The following FER1L5 variants were observed in gnomAD, a reference collection of about 807,000 sequenced individuals.
FER1L5 encodes the protein fer-1 like family member 5, also known as fer-1-like protein 5.
FER1L5 carries 187 observed loss-of-function variants against 279.9 expected under a neutral mutation model. That is an observed-to-expected ratio of 0.67 (90% CI 0.59 to 0.75). The LOEUF is 0.75. FER1L5 is among the 30% of genes least tolerant of loss of function. The pLI is 0.00. For synonymous variants in FER1L5, 921 were observed against 989.7 expected, an observed-to-expected ratio of 0.93 and a Z score of 1.30; for missense variants, 2,091 against 2,594.4, an observed-to-expected ratio of 0.81 and a Z score of 4.21.
intron 1 of FER1L5, 60 bp downstream of exon 1, chr2:96,642,981 G>C (rs2074949738): frequency 2.8e-6 from 4 of 1,449,880 alleles, no homozygotes; most frequent in Admixed American, 4.8e-5. Context: ...CATGGATTCA[G>C]TGAAAAAAGA....
intron 18 of FER1L5, among the ~76,000 whole-genome samples, chr2:96,671,776 C>T (rs1051701700): frequency 2.3e-4 from 35 of 152,262 alleles, no homozygotes; most frequent in African/African-American, 7.9e-4. Context: ...CCTGCAGAGG[C>T]GGACTCAGGA....
At chr2:96,681,235 T>C (rs2076712944) in intron 19 of FER1L5, among the ~76,000 whole-genome samples, 1 of 152,212 alleles carries the variant, frequency 6.6e-6, no homozygotes, top group Non-Finnish European at 1.5e-5. Context: ...ATACCTGTAG[T>C]CCTAGCTACT....
intron 14 of FER1L5, among the ~76,000 whole-genome samples, chr2:96,667,483 G>A (rs1275762247): frequency 6.6e-6 from 1 of 152,044 alleles, no homozygotes; most frequent in African/African-American, 2.4e-5. Flanking sequence ...GAGTAGCTGG[G>A]ATTACAGGCA....
In FER1L5 at chr2:96,702,442, C is replaced by T. The variant is rs764303789; in HGVS notation, c.5255+41C>T. On this transcript the variant is annotated intron_variant, in intron 47 of 52. Transcript: ENST00000624922. This position sits in a 1 kb window ranked among gnomAD's most constrained non-coding sequence, Gnocchi z 4.0. ...CAGGCTCCGGCAGAGCCCCTCAGTT[C>T]CCCAGTTCTGTCATCCTGCTGGCAC... is the stretch of plus-strand genomic sequence containing the variant. 13 of 1,580,832 alleles carry T rather than the reference C, an allele frequency of 8.2e-6. No individual in the cohort carries two copies. The Admixed American group carries it at 2.4e-4, about 29-fold the overall frequency.
At chr2:96,671,837 A>G (rs143615987) in intron 18 of FER1L5, among the ~76,000 whole-genome samples, 1 of 152,174 alleles carries the variant, frequency 6.6e-6, no homozygotes, top group Non-Finnish European at 1.5e-5. Flanking sequence ...TGGCAGAGAG[A>G]AAGGGCGAGG....
In FER1L5 at chr2:96,684,367, T is replaced by G. The variant is rs2076842433; in HGVS notation, c.1710T>G (p.Pro570=). ...ATGTGCCCTGGTACAACACCAAGCCTGTCGTGGCCGTGACCTCCAACTGGG... is the reference window on the plus strand; with the variant it reads ...ATGTGCCCTGGTACAACACCAAGCCGGTCGTGGCCGTGACCTCCAACTGGG... ...YHYVPWYNTK[P]VVAVTSNWED... The change falls in exon 20 of 53, where the codon CCT becomes CCG. Residue 570 remains proline, a synonymous_variant. Coordinates refer to ENST00000624922, the MANE Select transcript of FER1L5 (RefSeq NM_001293083.2). The G allele has an allele frequency of 1.3e-6, 2 of 1,551,692 alleles. 1 individual carries two copies. Among genetic ancestry groups the G allele is most frequent in the East Asian group, 4.9e-5 (2 of 40,912 alleles).
Position 96,704,621 on chromosome 2 carries a change from T to G in FER1L5, c.6103T>G (p.Trp2035Gly). The stretch of plus-strand genomic sequence containing the variant: ...CCTAAAGCCTACAATAGACCATGAG[T>G]GGAAACTCCACCCAGGACCCACAAA... ...PNLKPTIDHE[W>G]KLHPGPTNHL... Residue 2035 changes from tryptophan to glycine, a missense_variant, in exon 53 of 53, where the codon TGG becomes GGG. Coordinates refer to ENST00000624922, the MANE Select transcript of FER1L5 (RefSeq NM_001293083.2). 6.2e-7 allele frequency: 1 copy of G among 1,613,968 alleles called. No homozygotes were observed. The highest frequency in any genetic ancestry group is 8.5e-7 in the Non-Finnish European group (1 of 1,179,884).
intron 9 of FER1L5, among the ~76,000 whole-genome samples, chr2:96,658,489 G>A (rs182295307): frequency 4.7e-5 from 7 of 149,254 alleles, no homozygotes; most frequent in Non-Finnish European, 1.0e-4. Flanking sequence ...GCTAATTTTT[G>A]TATTAGCCCG....
rs1553449027 is a variant in FER1L5, at chr2:96,659,290, T to TTCCTTCC, written c.748-1050_748-1049insCCTTCCT. 8.6e-3 allele frequency among the ~76,000 whole-genome samples: 700 copies of TTCCTTCC among 81,036 alleles called. 60 individuals carry two copies. Among genetic ancestry groups the TTCCTTCC allele is most frequent in the African/African-American group, 0.023 (469 of 20,374 alleles). 53.2% of individuals were successfully genotyped at this position (81,036 alleles called of 152,430 possible). A position where few individuals can be genotyped will look rare whatever the true frequency, so the allele number is the denominator to read the frequency against. ...TTTGATGAAGTCCAATTTATCAAGCTTTCCTTCCTTCCTTCCTTCCTTCCT... is the reference window on the plus strand; with the variant it reads ...TTTGATGAAGTCCAATTTATCAAGCTTCCTTCCTTCCTTCCTTCCTTCCTTCCTTCCT... On this transcript the variant is annotated intron_variant, in intron 9 of 52. Coordinates refer to ENST00000624922, the MANE Select transcript of FER1L5 (RefSeq NM_001293083.2).
chr2:96,680,822 A>G (rs1220099029), intron 19 of FER1L5, among the ~76,000 whole-genome samples: 1 of 151,988 alleles, frequency 6.6e-6, no homozygotes, highest in Non-Finnish European at 1.5e-5. Flanking sequence ...CCCTGTGCCC[A>G]CCCCACCCCA....
At chr2:96,685,565 G>A in intron 21 of FER1L5, 136 bp downstream of exon 21, 1 of 763,056 alleles carries the variant, frequency 1.3e-6, no homozygotes, top group Non-Finnish European at 2.0e-6. Flanking sequence ...CTCCCCAGCG[G>A]GAAACCCCAA....
chr2:96,644,322 C>CAA (rs34746480), intron 1 of FER1L5, among the ~76,000 whole-genome samples: 1 of 136,352 alleles, frequency 7.3e-6, no homozygotes, highest in African/African-American at 2.7e-5. Flanking sequence ...ACTAAAAATA[C>CAA]AAAAAAAAAA....
intron 19 of FER1L5, among the ~76,000 whole-genome samples, chr2:96,678,055 A>G (rs1469624572): frequency 1.3e-5 from 2 of 151,854 alleles, no homozygotes; most frequent in Non-Finnish European, 2.9e-5. Flanking sequence ...ACACAGTGGC[A>G]GCTCATCGTT....
chr2:96,653,507 T>G (rs115401742), intron 7 of FER1L5, 133 bp from the exon 8 acceptor site: 16 of 712,712 alleles, frequency 2.2e-5, no homozygotes, highest in Non-Finnish European at 3.7e-5. Context: ...ATACTCAGCC[T>G]GTACTTGTAA....
rs1023896819 is a variant in FER1L5 at position 96,698,644 on chromosome 2, G to A, written c.4357-27G>A. On this transcript the variant is annotated intron_variant, in intron 40 of 52. Coordinates refer to ENST00000624922, the MANE Select transcript of FER1L5 (RefSeq NM_001293083.2). This position sits in a 1 kb window ranked among gnomAD's most constrained non-coding sequence, Gnocchi z 5.5. ...CAGAGCTGGCCAGCACTGCCAGGCT[G>A]GGCCCCCAACACCCTCCCCCCGCCA... 4 of 1,561,892 alleles carry A rather than the reference G, an allele frequency of 2.6e-6. No homozygotes were observed. The highest frequency in any genetic ancestry group is 3.5e-6 in the Non-Finnish European group (4 of 1,150,644).
In FER1L5 at chr2:96,691,152, C is replaced by A; in HGVS notation, c.2744-38C>A. On this transcript the variant is annotated intron_variant, in intron 27 of 52. Coordinates refer to ENST00000624922, the MANE Select transcript of FER1L5 (RefSeq NM_001293083.2). The surrounding 1 kb of genome is among the most constrained non-coding windows in gnomAD (Gnocchi z 6.0). ...TTGTCCAGGCCTCCCAACCTGCGGG[C>A]ACCTGAGGACTCAGAGGCCATGGTC... The A allele has an allele frequency of 6.6e-7, 1 of 1,517,100 alleles. No homozygotes were observed. Among genetic ancestry groups the A allele is most frequent in the South Asian group, 1.2e-5 (1 of 80,132 alleles). The allele number at this position is 1,517,100 out of a possible 1,614,324, so 94.0% of individuals were successfully genotyped here. A position where few individuals can be genotyped will look rare whatever the true frequency, so the allele number is the denominator to read the frequency against.
In FER1L5 at chr2:96,702,558, GC is replaced by G; in HGVS notation, c.5256-40del. 6.4e-7 allele frequency: 1 copy of G among 1,554,038 alleles called. No individual in the cohort carries two copies. Among genetic ancestry groups the G allele is most frequent in the Non-Finnish European group, 8.7e-7 (1 of 1,148,778 alleles). On this transcript the variant is annotated intron_variant, in intron 47 of 52. Transcript: ENST00000624922. This position sits in a 1 kb window ranked among gnomAD's most constrained non-coding sequence, Gnocchi z 4.0. ...CATGGGGCTCCAGCTGGGGGATGGG[GC>G]CAATGCACATGAGCCACAGGTGATA...
chr2:96,651,237 C>CTCTTTCTTTCTTTCTT lies in FER1L5; in HGVS notation c.505-606_505-591dup, dbSNP rs70964882. On this transcript the variant is annotated intron_variant, in intron 6 of 52. Transcript: ENST00000624922. ...GGGCTACAACTTTCTTTCTTTCTTT[C>CTCTTTCTTTCTTTCTT]TCTTTCTTTCTTTCTTTCTTTCTTT... Among the ~76,000 whole-genome samples the CTCTTTCTTTCTTTCTT allele has an allele frequency of 2.7e-4, 35 of 128,624 alleles. 2 individuals carry two copies. The highest frequency in any genetic ancestry group is 1.7e-3 in the East Asian group (7 of 4,214). The allele number at this position is 128,624 out of a possible 152,430, so 84.4% of individuals were successfully genotyped here. A position where few individuals can be genotyped will look rare whatever the true frequency, so the allele number is the denominator to read the frequency against.
At chr2:96,651,292 TTTCTTTC>T (rs1285896561) in intron 6 of FER1L5, among the ~76,000 whole-genome samples, 2 of 146,102 alleles carry the variant, frequency 1.4e-5, no homozygotes, top group African/African-American at 2.5e-5. Context: ...TCTTTCTTTC[TTTCTTTC>T]TTCTTTCCTT....
Sources: allele counts gnomAD v4.1 joint callset (sites outside exome capture counted in the v4.1 genomes callset), GRCh38; gene constraint gnomAD v4.1.1; non-coding constraint Gnocchi (gnomAD v3.1); transcripts MANE v1.5; gene names NCBI Gene and HGNC (gene_info 2026-07-23, HGNC 2026-07-21).